The following TSC22D1 variants were observed in gnomAD, a reference collection of about 807,000 sequenced individuals.
TSC22D1 encodes TSC22 domain family member 1.
Under a neutral mutation model 74.2 loss-of-function variants are expected in TSC22D1, and 9 were observed. The observed-to-expected ratio is 0.12, with a 90% CI of 0.07 to 0.21. The LOEUF (loss-of-function observed/expected upper bound fraction) is 0.21. Among genes scored for constraint, TSC22D1 ranks in the 10% least tolerant of loss-of-function variants. TSC22D1 has a pLI of 1.00. For missense variants in TSC22D1, 1,427 were observed against 1,304.7 expected, an observed-to-expected ratio of 1.09 and a Z score of -1.44; for synonymous variants, 586 against 492.5, an observed-to-expected ratio of 1.19 and a Z score of -2.51.
At chr13:44,454,929 A>T (rs79339364) in intron 1 of TSC22D1, among the ~76,000 whole-genome samples, 2,973 of 152,170 alleles carry the variant, frequency 0.02, 69 homozygotes, top group African/African-American at 0.057. Flanking sequence ...GTTTTTTTTT[A>T]AAATAATAAA....
At chr13:44,499,236 T>G (rs1879114469) in intron 1 of TSC22D1, among the ~76,000 whole-genome samples, 1 of 152,188 alleles carries the variant, frequency 6.6e-6, no homozygotes, top group South Asian at 2.1e-4. Flanking sequence ...TAGATTCTTT[T>G]GGAATATTTT....
chr13:44,576,210 G>C lies in TSC22D1; in HGVS notation c.-136C>G. ...CGATTCCTCCTTCTCCTCCTCCTCA[G>C]CCAAAGGCGCCGGTCGCTCCTGCCT... On this transcript the variant is annotated 5_prime_UTR_variant, in exon 1 of 3. Coordinates refer to ENST00000458659, the MANE Select transcript of TSC22D1 (RefSeq NM_183422.4). 1 of 1,279,576 alleles carries C rather than the reference G, an allele frequency of 7.8e-7. No homozygotes were observed. The highest frequency in any genetic ancestry group is 1.6e-5 in the South Asian group (1 of 61,962). 79.3% of individuals were successfully genotyped at this position (1,279,576 alleles called of 1,614,324 possible).
rs1354543074 is a variant in TSC22D1 at position 44,574,719 on chromosome 13, C to T, written c.1356G>A (p.Lys452=). The T allele has an allele frequency of 6.2e-7, 1 of 1,614,030 alleles. No homozygotes were observed. The highest frequency in any genetic ancestry group is 1.1e-5 in the South Asian group (1 of 91,086). The change falls in exon 1 of 3, where the codon AAG becomes AAA. Residue 452 remains lysine (K), a synonymous_variant. Coordinates refer to ENST00000458659, the MANE Select transcript of TSC22D1 (RefSeq NM_183422.4). The part of the protein sequence containing the change: ...VLINKVVETV[K]QNPIEVTSER... ...CAGAAGTCACTTCTATCGGATTTTGCTTTACAGTCTCCACCACTTTATTTA... is the reference window on the plus strand; with the variant it reads ...CAGAAGTCACTTCTATCGGATTTTGTTTTACAGTCTCCACCACTTTATTTA...
rs1012362384 is a variant in TSC22D1, at chr13:44,437,190, G to A, written c.2913-1095C>T. The A allele has an allele frequency of 2.4e-5, 24 of 985,536 alleles. No homozygotes were observed. The South Asian group carries it at 9.4e-4, about 39-fold the overall frequency. The allele number at this position is 985,536 out of a possible 1,614,324, so 61.0% of individuals were successfully genotyped here. Reference sequence around the variant, plus strand: ...CACGTGCTTACGTTTAAGGGAGTCAGACCCCGGTCCCCGGAGCTGTGTCCC... The same window carrying A: ...CACGTGCTTACGTTTAAGGGAGTCAAACCCCGGTCCCCGGAGCTGTGTCCC... On this transcript the variant is annotated intron_variant, in intron 1 of 2. Coordinates refer to ENST00000458659, the MANE Select transcript of TSC22D1 (RefSeq NM_183422.4).
rs1349994186 is a variant in TSC22D1, at chr13:44,488,401, TAAATA to T, written c.2913-52311_2913-52307del. ...ACATATTGAAATGACAATTTTGAGTTAAATAAAATAAAGCAAATTATTAAAACTAA... is the reference window on the plus strand; with the variant it reads ...ACATATTGAAATGACAATTTTGAGTTAAATAAAGCAAATTATTAAAACTAA... On this transcript the variant is annotated intron_variant, in intron 1 of 2. Coordinates refer to ENST00000458659, the MANE Select transcript of TSC22D1 (RefSeq NM_183422.4). Among the ~76,000 whole-genome samples the T allele has an allele frequency of 2.0e-5, 3 of 152,358 alleles. No homozygotes were observed. The East Asian group carries it at 5.8e-4, about 29-fold the overall frequency.
chr13:44,557,758 T>G (rs1882774952), intron 1 of TSC22D1, among the ~76,000 whole-genome samples: 1 of 152,182 alleles, frequency 6.6e-6, no homozygotes, highest in South Asian at 2.1e-4. Flanking sequence ...TTGATTGCAT[T>G]AAGCTTATAA....
intron 1 of TSC22D1, among the ~76,000 whole-genome samples, chr13:44,515,461 G>A (rs890158490): frequency 2.1e-4 from 32 of 149,180 alleles, no homozygotes; most frequent in Non-Finnish European, 3.7e-4. Flanking sequence ...TTTTTTTTGA[G>A]ACAGTTCTTT....
chr13:44,464,000 C>A (rs1316999349), intron 1 of TSC22D1, among the ~76,000 whole-genome samples: 2 of 152,142 alleles, frequency 1.3e-5, no homozygotes, highest in Non-Finnish European at 2.9e-5. Context: ...GATGGATCTT[C>A]CGGCCCCAGT....
rs1261945594 is a variant in TSC22D1 at position 44,545,813 on chromosome 13, C to T, written c.2912+27350G>A. ...CCAACATGGTGAAACCCCGTCTCTA[C>T]TAAAAATACAAAAATTAGCCAGGTG... On this transcript the variant is annotated intron_variant, in intron 1 of 2. Transcript: ENST00000458659. 2.0e-5 allele frequency among the ~76,000 whole-genome samples: 3 copies of T among 151,778 alleles called. No homozygotes were observed. In the East Asian group the frequency reaches 5.8e-4, roughly 29 times the overall value.
chr13:44,514,709 A>C (rs1879896515), intron 1 of TSC22D1, among the ~76,000 whole-genome samples: 1 of 152,076 alleles, frequency 6.6e-6, no homozygotes, highest in Admixed American at 6.5e-5. Context: ...AAAATATAAA[A>C]ATTAGCTGGA....
At chr13:44,542,287 A>G (rs1421038964) in intron 1 of TSC22D1, among the ~76,000 whole-genome samples, 1 of 152,066 alleles carries the variant, frequency 6.6e-6, no homozygotes, top group Non-Finnish European at 1.5e-5. Flanking sequence ...CGTAATTTTC[A>G]TTTTTAAGTT....
chr13:44,514,372 TAA>T (rs889152990), intron 1 of TSC22D1, among the ~76,000 whole-genome samples: 1 of 150,294 alleles, frequency 6.7e-6, no homozygotes, highest in African/African-American at 2.4e-5. Context: ...TTTGACTACA[TAA>T]AAAAAACCTA....
At chr13:44,455,672 T>C (rs1157336400) in intron 1 of TSC22D1, among the ~76,000 whole-genome samples, 3 of 152,216 alleles carry the variant, frequency 2.0e-5, no homozygotes, top group African/African-American at 4.8e-5. Context: ...ATAGCTCTTT[T>C]TTGAGTCTTG....
intron 1 of TSC22D1, among the ~76,000 whole-genome samples, chr13:44,437,991 T>A (rs745952985): frequency 6.6e-6 from 1 of 152,216 alleles, no homozygotes; most frequent in African/African-American, 2.4e-5. Context: ...GATGTGGGTA[T>A]AAAATAGCTT....
intron 1 of TSC22D1, among the ~76,000 whole-genome samples, chr13:44,517,085 CGT>C (rs1880025488): frequency 6.6e-6 from 1 of 152,132 alleles, no homozygotes; most frequent in Non-Finnish European, 1.5e-5. Flanking sequence ...GAGATATACA[CGT>C]GTGTGTTTGT....
At chr13:44,503,685 TA>T (rs1279529394) in intron 1 of TSC22D1, among the ~76,000 whole-genome samples, 2 of 152,126 alleles carry the variant, frequency 1.3e-5, no homozygotes, top group African/African-American at 4.8e-5. Context: ...TAAAAGGTTG[TA>T]AAGACAAATG....
At chr13:44,481,172 G>A (rs1023354425) in intron 1 of TSC22D1, among the ~76,000 whole-genome samples, 1 of 152,194 alleles carries the variant, frequency 6.6e-6, no homozygotes, top group African/African-American at 2.4e-5. Flanking sequence ...AGGCAGCAAT[G>A]CCAAAGATAC....
intron 1 of TSC22D1, among the ~76,000 whole-genome samples, chr13:44,483,240 T>A (rs758610833): frequency 6.6e-6 from 1 of 152,222 alleles, no homozygotes; most frequent in Non-Finnish European, 1.5e-5. Context: ...TCCCAGTCTT[T>A]ATAACAATTA....
intron 1 of TSC22D1, among the ~76,000 whole-genome samples, chr13:44,459,516 G>A (rs944479373): frequency 2.0e-4 from 30 of 152,150 alleles, no homozygotes; most frequent in Admixed American, 1.0e-3. Flanking sequence ...CATTCTTCCT[G>A]GACACGAGAC....
Sources: allele counts gnomAD v4.1 joint callset (sites outside exome capture counted in the v4.1 genomes callset), GRCh38; gene constraint gnomAD v4.1.1; transcripts MANE v1.5; gene names NCBI Gene and HGNC (gene_info 2026-07-23, HGNC 2026-07-21).